The following OSGEP variants were observed in gnomAD, a reference collection of about 807,000 sequenced individuals.
OSGEP encodes the protein O-sialoglycoprotein endopeptidase.
A neutral mutation model predicts 44.1 loss-of-function variants in OSGEP; 39 were observed. That is an observed-to-expected ratio of 0.88 (90% confidence interval 0.69 to 1.16). The LOEUF (loss-of-function observed/expected upper bound fraction) is 1.16, where lower values mean the gene tolerates loss of function less well. OSGEP is among the 50% of genes most tolerant of loss of function. The pLI, the probability that OSGEP is intolerant of heterozygous loss-of-function variation, is 0.00. For missense variants in OSGEP, 403 were observed against 443.1 expected, an observed-to-expected ratio of 0.91 and a Z score of 0.81; for synonymous variants, 139 against 161.9, an observed-to-expected ratio of 0.86 and a Z score of 1.07.
In OSGEP at chr14:20,454,562, C is replaced by G. The variant is rs779085241; in HGVS notation, c.115+7G>C. 1.2e-5 allele frequency: 20 copies of G among 1,602,612 alleles called. No individual in the cohort carries two copies. The South Asian group carries it at 2.1e-4, about 17-fold the overall frequency. Reference sequence around the variant, plus strand: ...GCGGAAAACTCTTAAGTCCCCTACTCACCAACCTGTGCCAGGAGGCGTGAC... The same window carrying G: ...GCGGAAAACTCTTAAGTCCCCTACTGACCAACCTGTGCCAGGAGGCGTGAC... On this transcript the variant is annotated splice_region_variant and intron_variant, in intron 1 of 10. Coordinates refer to ENST00000206542, the MANE Select transcript of OSGEP (RefSeq NM_017807.4).
intron 1 of OSGEP, among the ~76,000 whole-genome samples, chr14:20,452,855 C>T (rs1472157973): frequency 5.9e-5 from 9 of 151,898 alleles, no homozygotes; most frequent in Admixed American, 3.9e-4. Context: ...GGACTACAGG[C>T]GACACCACCA....
In OSGEP at chr14:20,447,211, A is replaced by T. The variant is rs1257414446; in HGVS notation, c.*29T>A. ...GGGGTCCTTTGGGTTCCGATTAAGGAACTATCTACTCTGATTCTGTTGATC... is the reference window on the plus strand; with the variant it reads ...GGGGTCCTTTGGGTTCCGATTAAGGTACTATCTACTCTGATTCTGTTGATC... On this transcript the variant is annotated 3_prime_UTR_variant, in exon 11 of 11. Transcript: ENST00000206542. The T allele has an allele frequency of 1.2e-6, 2 of 1,603,472 alleles. No homozygotes were observed. Among genetic ancestry groups the T allele is most frequent in the Admixed American group, 3.3e-5 (2 of 60,014 alleles).
intron 5 of OSGEP, 43 bp from the exon 6 acceptor site, chr14:20,448,854 C>T: frequency 6.3e-7 from 1 of 1,590,950 alleles, no homozygotes; most frequent in African/African-American, 1.3e-5. Flanking sequence ...CTACAGTCAG[C>T]TGGCTTCTCA....
In OSGEP at chr14:20,448,899, T is replaced by C; in HGVS notation, c.557+65A>G. ...GCCCGTCCCAAATTTTGTTAATATA[T>C]ACCGTATATGGGGAAATCCCTGAAG... On this transcript the variant is annotated intron_variant, in intron 5 of 10. Coordinates refer to ENST00000206542, the MANE Select transcript of OSGEP (RefSeq NM_017807.4). 4 of 1,591,138 alleles carry C rather than the reference T, an allele frequency of 2.5e-6. No homozygotes were observed. In the South Asian group the frequency reaches 4.4e-5, roughly 18 times the overall value.
Position 20,448,780 on chromosome 14 carries a change from C to T in OSGEP, c.589G>A (p.Val197Ile), listed in dbSNP as rs1238611286. ...GAGAATGAGACGTCCATCCCCTTTA[C>T]AGTGTATGGCAGCTCAACTAGCTTC... ...GKKLVELPYT[V>I]KGMDVSFSGI... Residue 197 changes from valine to isoleucine, a missense_variant, in exon 6 of 11, where the codon GTA becomes ATA. Transcript: ENST00000206542. The T allele has an allele frequency of 1.1e-5, 17 of 1,613,172 alleles. No individual in the cohort carries two copies. The highest frequency in any genetic ancestry group is 3.3e-5 in the Admixed American group (2 of 60,016).
rs1212009954 is a variant in OSGEP, at chr14:20,446,961, T to C, written c.*279A>G. On this transcript the variant is annotated 3_prime_UTR_variant, in exon 11 of 11. Transcript: ENST00000206542. The stretch of plus-strand genomic sequence containing the variant: ...CGTTTCTTAAAAAAAAAAAAAAAGA[T>C]ACCTCATTCTTGGTTCCACAGCAGC... 2 of 369,686 alleles carry C rather than the reference T, an allele frequency of 5.4e-6. No individual in the cohort carries two copies. Among genetic ancestry groups the C allele is most frequent in the Non-Finnish European group, 4.8e-6 (1 of 207,072 alleles). The allele number at this position is 369,686 out of a possible 1,614,324, so 22.9% of individuals were successfully genotyped here.
intron 8 of OSGEP, 23 bp from the exon 9 acceptor site, chr14:20,447,713 ATTAGCTTAGTT>A: frequency 1.3e-6 from 2 of 1,593,594 alleles, no homozygotes; most frequent in Non-Finnish European, 1.7e-6. Context: ...AGGGAACAGG[ATTAGCTTAGTT>A]TTAGCCATCT....
intron 1 of OSGEP, 31 bp from the exon 2 acceptor site, chr14:20,452,479 G>A: frequency 6.2e-7 from 1 of 1,610,152 alleles, no homozygotes; most frequent in Non-Finnish European, 8.5e-7. Flanking sequence ...AGAGATCACA[G>A]GGATTTTCTG....
intron 3 of OSGEP, chr14:20,449,657 T>C: frequency 4.2e-6 from 1 of 240,466 alleles, no homozygotes; most frequent in Non-Finnish European, 8.2e-6. Context: ...TAATTTTTTT[T>C]TGAGACAGGG....
At chr14:20,452,472 G>T (rs1157396649) in intron 1 of OSGEP, 24 bp from the exon 2 acceptor site, 1 of 1,611,362 alleles carries the variant, frequency 6.2e-7, no homozygotes, top group Non-Finnish European at 8.5e-7. Context: ...ATAGGTCAGA[G>T]ATCACAGGGA....
Position 20,452,371 on chromosome 14 carries a change from C to G in OSGEP, c.193G>C (p.Gly65Arg). Residue 65 changes from glycine to arginine, a missense_variant, in exon 2 of 11, where the codon GGA becomes CGA. By Grantham distance (125) the Gly-to-Arg change is moderately radical (BLOSUM62 -2). Coordinates refer to ENST00000206542, the MANE Select transcript of OSGEP (RefSeq NM_017807.4). ...DLLQEALTES[G>R]LTSQDIDCIA... is the part of the protein sequence containing the mutation. Reference sequence around the variant, plus strand: ...CAGTCGATATCCTGGGAGGTTAATCCAGACTCTGTTAGTGCCTCCTGCAGC... The same window carrying G: ...CAGTCGATATCCTGGGAGGTTAATCGAGACTCTGTTAGTGCCTCCTGCAGC... The G allele has an allele frequency of 6.2e-7, 1 of 1,614,046 alleles. No individual in the cohort carries two copies.
chr14:20,454,182 T>A (rs79863697), intron 1 of OSGEP, among the ~76,000 whole-genome samples: 7,083 of 152,042 alleles, frequency 0.047, 201 homozygotes, highest in South Asian at 0.093. Flanking sequence ...AATTTTTTTT[T>A]AAAAAGGGAG....
chr14:20,450,048 T>TGA (rs5807038), intron 3 of OSGEP: 2 of 148,970 alleles, frequency 1.3e-5, no homozygotes, highest in Non-Finnish European at 3.0e-5. Context: ...TTCTTTTCTT[T>TGA]TTTTTTTTTT....
intron 2 of OSGEP, 88 bp downstream of exon 2, chr14:20,452,241 G>A (rs1366783464): frequency 3.1e-6 from 5 of 1,587,932 alleles, no homozygotes; most frequent in Middle Eastern, 2.0e-4. Flanking sequence ...TAGGGGTAGT[G>A]ATGGTGGCAG....
At chr14:20,451,350 A>G in intron 3 of OSGEP, 1 of 287,712 alleles carries the variant, frequency 3.5e-6, no homozygotes, top group Non-Finnish European at 6.8e-6. Flanking sequence ...CTTGTTGCCC[A>G]GGCTGGAATG....
At position 20,447,188 on chromosome 14, in the gene OSGEP, G is replaced by A; in HGVS notation, c.*52C>T. On this transcript the variant is annotated 3_prime_UTR_variant, in exon 11 of 11. Coordinates refer to ENST00000206542, the MANE Select transcript of OSGEP (RefSeq NM_017807.4). ...CATCAGGATAGAGATTGAGGCACGG[G>A]GTCCTTTGGGTTCCGATTAAGGAAC... 6.7e-7 allele frequency: 1 copy of A among 1,490,318 alleles called. No individual in the cohort carries two copies. Among genetic ancestry groups the A allele is most frequent in the Non-Finnish European group, 9.4e-7 (1 of 1,067,064 alleles). The allele number at this position is 1,490,318 out of a possible 1,614,324, so 92.3% of individuals were successfully genotyped here. A position where few individuals can be genotyped will look rare whatever the true frequency, so the allele number is the denominator to read the frequency against.
chr14:20,447,000 A>G lies in OSGEP; in HGVS notation c.*240T>C. The G allele has an allele frequency of 2.2e-6, 1 of 455,590 alleles. No individual in the cohort carries two copies. The highest frequency in any genetic ancestry group is 3.9e-6 in the Non-Finnish European group (1 of 256,854). 28.2% of individuals were successfully genotyped at this position (455,590 alleles called of 1,614,324 possible). ...TTCCACAGCAGCAAGCTCCAACAAG[A>G]ATTTATCCAGCACCAAATCTACATT... is the stretch of plus-strand genomic sequence containing the variant. On this transcript the variant is annotated 3_prime_UTR_variant, in exon 11 of 11. Coordinates refer to ENST00000206542, the MANE Select transcript of OSGEP (RefSeq NM_017807.4).
chr14:20,452,764 G>A (rs559577427), intron 1 of OSGEP, among the ~76,000 whole-genome samples: 1 of 150,102 alleles, frequency 6.7e-6, no homozygotes, highest in South Asian at 2.1e-4. Context: ...AGGCTGGAGT[G>A]CAGTGGCACG....
intron 10 of OSGEP, 48 bp from the exon 11 acceptor site, chr14:20,447,327 C>G: frequency 1.2e-6 from 2 of 1,609,902 alleles, no homozygotes; most frequent in Non-Finnish European, 1.7e-6. Flanking sequence ...CCTTAACATC[C>G]TTCATTCTTC....
Sources: gnomAD v4.1 joint callset for allele counts (sites outside exome capture counted in the v4.1 genomes callset) on GRCh38, gnomAD v4.1.1 for gene constraint, MANE v1.5 for transcripts, NCBI Gene and HGNC (gene_info 2026-07-23, HGNC 2026-07-21) for gene names.